The following SLC75A1 variants were observed in gnomAD, a reference collection of about 807,000 sequenced individuals.
The protein encoded by SLC75A1 is solute carrier family 75 member 1, also known as major facilitator superfamily domain containing 10.
At chr4:2,933,742 C>CA in the SLC75A1 span, 1 of 1,603,448 alleles carries the variant, frequency 6.2e-7, no homozygotes, top group Admixed American at 1.7e-5. Flanking sequence ...GGCCGCAGGG[C>CA]AAGGACTCAC....
At chr4:2,932,412 G>T in the SLC75A1 span, 1 of 1,613,682 alleles carries the variant, frequency 6.2e-7, no homozygotes, top group Non-Finnish European at 8.5e-7. Flanking sequence ...GTCGGAGGCT[G>T]CGAAGAGCAG....
chr4:2,932,582 C>T, the SLC75A1 span: 13 of 1,612,834 alleles, frequency 8.1e-6, no homozygotes, highest in South Asian at 1.4e-4. Context: ...ACCCCAAAGG[C>T]CCAGCCTGTG....
At chr4:2,930,644 T>TTGGAG in the SLC75A1 span, 1 of 617,458 alleles carries the variant, frequency 1.6e-6, no homozygotes, top group Non-Finnish European at 2.9e-6. Context: ...CCTGACAGCC[T>TTGGAG]TGGAGTGCTG....
chr4:2,933,027 C>T, the SLC75A1 span: 15 of 1,413,370 alleles, frequency 1.1e-5, no homozygotes, highest in Middle Eastern at 3.9e-4. Flanking sequence ...AGCCACCTCC[C>T]TCTCCCCACC....
chr4:2,933,782 C>CGGGCAGCAG, the SLC75A1 span: 17 of 1,595,394 alleles, frequency 1.1e-5, no homozygotes, highest in African/African-American at 2.7e-5. Flanking sequence ...TCCAACAGCC[C>CGGGCAGCAG]GGGCAGCAGG....
chr4:2,934,168 C>T, the SLC75A1 span: 1 of 575,398 alleles, frequency 1.7e-6, no homozygotes, highest in South Asian at 2.1e-5. Context: ...GCAAAGGCAA[C>T]GGTCCTGAGA....
the SLC75A1 span, chr4:2,931,509 G>A: frequency 9.4e-6 from 15 of 1,593,886 alleles, no homozygotes; most frequent in African/African-American, 1.3e-5. Context: ...GTGCCCTGCA[G>A]GACTCAGGGG....
the SLC75A1 span, chr4:2,933,215 A>G: frequency 6.2e-7 from 1 of 1,612,874 alleles, no homozygotes; most frequent in Non-Finnish European, 8.5e-7. Flanking sequence ...GAGACCTGAG[A>G]GACAGATGTC....
the SLC75A1 span, chr4:2,932,862 T>C: frequency 7.1e-7 from 1 of 1,407,968 alleles, no homozygotes; most frequent in Admixed American, 2.7e-5. Context: ...CCCTGCCCTA[T>C]TTCGAAGCAT....
chr4:2,932,866 G>C, the SLC75A1 span: 8 of 1,390,972 alleles, frequency 5.8e-6, no homozygotes, highest in Non-Finnish European at 7.6e-6. Context: ...GCCCTATTTC[G>C]AAGCATCTGA....
chr4:2,932,123 C>T, the SLC75A1 span: 1 of 1,609,748 alleles, frequency 6.2e-7, no homozygotes, highest in Non-Finnish European at 8.5e-7. Flanking sequence ...AGATCAGCCG[C>T]ATCACGGAAC....
chr4:2,931,927 C>G, the SLC75A1 span: 7 of 1,608,242 alleles, frequency 4.4e-6, no homozygotes, highest in Non-Finnish European at 5.1e-6. Flanking sequence ...GCGGCGCAGG[C>G]TGCTGAGCCC....
At chr4:2,933,542 G>A in the SLC75A1 span, 9 of 1,611,644 alleles carry the variant, frequency 5.6e-6, no homozygotes, top group African/African-American at 2.7e-5. Flanking sequence ...TAGAGAGCCC[G>A]CCAAGGGCAC....
chr4:2,933,739 G>A, the SLC75A1 span: 7 of 1,604,560 alleles, frequency 4.4e-6, no homozygotes, highest in Non-Finnish European at 6.0e-6. Flanking sequence ...GTGGGCCGCA[G>A]GGCAAGGACT....
the SLC75A1 span, chr4:2,933,570 C>T: frequency 7.4e-6 from 12 of 1,613,856 alleles, no homozygotes; most frequent in African/African-American, 1.3e-5. Context: ...GCCATACCTC[C>T]GAACAGGACA....
At chr4:2,931,916 G>A in the SLC75A1 span, 44 of 1,609,992 alleles carry the variant, frequency 2.7e-5, no homozygotes, top group East Asian at 4.5e-5. Flanking sequence ...ACTAGGCCCA[G>A]GCGGCGCAGG....
the SLC75A1 span, chr4:2,931,625 G>T: frequency 2.5e-6 from 4 of 1,613,694 alleles, no homozygotes; most frequent in Admixed American, 1.7e-5. Flanking sequence ...GGTGGCCATG[G>T]TGAGGCCGAT....
chr4:2,932,075 C>CGACAGCCGA, the SLC75A1 span: 1 of 1,610,952 alleles, frequency 6.2e-7, no homozygotes, highest in Non-Finnish European at 8.5e-7. Flanking sequence ...TGGCCACGAG[C>CGACAGCCGA]GACAGCCGAG....
At chr4:2,931,911 G>A in the SLC75A1 span, 1 of 1,610,524 alleles carries the variant, frequency 6.2e-7, no homozygotes, top group Non-Finnish European at 8.5e-7. Flanking sequence ...AGTAGACTAG[G>A]CCCAGGCGGC....
Sources: allele counts gnomAD v4.1 joint callset, GRCh38; gene constraint gnomAD v4.1.1; transcripts MANE v1.5; gene names NCBI Gene and HGNC (gene_info 2026-07-23, HGNC 2026-07-21).